PTPRD: variants seen among roughly 807,000 people sequenced by gnomAD.
PTPRD encodes receptor-type tyrosine-protein phosphatase delta.
Under a neutral mutation model 214.5 loss-of-function variants are expected in PTPRD, and 34 were observed. The observed-to-expected ratio is 0.16, with a 90% CI of 0.12 to 0.21. The LOEUF is 0.21. Ranked by LOEUF, PTPRD falls within the 10% of genes least tolerant of loss-of-function variation. PTPRD has a pLI of 1.00. For missense variants in PTPRD, 2,545 were observed against 2,398.7 expected, an observed-to-expected ratio of 1.06 and a Z score of -1.27; for synonymous variants, 1,128 against 845.7, an observed-to-expected ratio of 1.33 and a Z score of -5.79.
intron 8 of PTPRD, among the ~76,000 whole-genome samples, chr9:9,467,610 A>AAAAAAAAAAAAAAAT (rs71319223): frequency 6.9e-6 from 1 of 145,370 alleles, no homozygotes; most frequent in African/African-American, 2.5e-5. Context: ...AAAAAAAAAA[A>AAAAAAAAAAAAAAAT]GTTGAGCAGA....
chr9:9,306,514 A>C (rs948368371), intron 9 of PTPRD, among the ~76,000 whole-genome samples: 6 of 142,424 alleles, frequency 4.2e-5, no homozygotes, highest in Non-Finnish European at 9.0e-5. Flanking sequence ...CAGTGAACCG[A>C]GATCACACCA....
At chr9:9,503,315 G>A (rs1259576381) in intron 8 of PTPRD, among the ~76,000 whole-genome samples, 3 of 150,674 alleles carry the variant, frequency 2.0e-5, no homozygotes, top group Non-Finnish European at 4.4e-5. Context: ...CTTGTTATAG[G>A]TCTTGAATCA....
intron 5 of PTPRD, among the ~76,000 whole-genome samples, chr9:9,821,853 G>A (rs2050849867): frequency 6.6e-6 from 1 of 151,012 alleles, no homozygotes; most frequent in African/African-American, 2.4e-5. Context: ...AAAAATAAAG[G>A]ACATGCATGT....
intron 5 of PTPRD, among the ~76,000 whole-genome samples, chr9:9,838,232 T>A (rs926175665): frequency 1.3e-5 from 2 of 152,166 alleles, no homozygotes; most frequent in Non-Finnish European, 2.9e-5. Context: ...TAAACATAGG[T>A]GTGCATGTGT....
chr9:9,840,029 TTTATTA>T (rs1211328770), intron 5 of PTPRD, among the ~76,000 whole-genome samples: 2 of 151,926 alleles, frequency 1.3e-5, no homozygotes, highest in Non-Finnish European at 2.9e-5. Flanking sequence ...ATGGTTGGTT[TTTATTA>T]TTATTATTTA....
intron 35 of PTPRD, among the ~76,000 whole-genome samples, chr9:8,430,273 T>C (rs559010141): frequency 4.4e-4 from 67 of 152,042 alleles, no homozygotes; most frequent in Admixed American, 2.4e-3. Context: ...TTTTTATTTT[T>C]TTTTTACTTT....
At chr9:9,600,029 A>G (rs1592657904) in intron 7 of PTPRD, among the ~76,000 whole-genome samples, 1 of 152,152 alleles carries the variant, frequency 6.6e-6, no homozygotes, top group East Asian at 1.9e-4. Context: ...AATGCATTCT[A>G]AATCCAAGCA....
chr9:9,131,686 C>T (rs761349085), intron 10 of PTPRD, among the ~76,000 whole-genome samples: 1 of 151,844 alleles, frequency 6.6e-6, no homozygotes, highest in Non-Finnish European at 1.5e-5. Flanking sequence ...CAGTATATGC[C>T]CAAAGAGTTT....
intron 12 of PTPRD, among the ~76,000 whole-genome samples, chr9:8,679,382 A>G (rs991102911): frequency 6.6e-6 from 1 of 152,224 alleles, no homozygotes; most frequent in African/African-American, 2.4e-5. Flanking sequence ...AGTTATGAGA[A>G]AAATGTGTGA....
intron 13 of PTPRD, 34 bp downstream of exon 13, chr9:8,636,665 T>C (rs2154327720): frequency 6.2e-7 from 1 of 1,609,102 alleles, no homozygotes; most frequent in African/African-American, 1.3e-5. Context: ...AGATACATTC[T>C]TCCCCCAGAG....
intron 8 of PTPRD, among the ~76,000 whole-genome samples, chr9:9,411,431 T>G (rs1319933902): frequency 6.6e-6 from 1 of 152,162 alleles, no homozygotes; most frequent in East Asian, 1.9e-4. Context: ...GTGGAAATAG[T>G]GCCTATGAAG....
chr9:10,278,234 A>T (rs551560649), intron 3 of PTPRD, among the ~76,000 whole-genome samples: 21 of 152,364 alleles, frequency 1.4e-4, no homozygotes, highest in Non-Finnish European at 2.9e-4. Context: ...TTATTAAAAA[A>T]TAATGTTTGA....
intron 8 of PTPRD, among the ~76,000 whole-genome samples, chr9:9,503,055 T>C (rs557000306): frequency 2.0e-5 from 3 of 151,956 alleles, no homozygotes; most frequent in East Asian, 3.9e-4. Flanking sequence ...GGTCTGTGTA[T>C]TTCACTGAAA....
intron 20 of PTPRD, among the ~76,000 whole-genome samples, 161 bp from the exon 21 acceptor site, chr9:8,518,590 C>T (rs1273251083): frequency 2.0e-5 from 3 of 152,120 alleles, no homozygotes; most frequent in African/African-American, 7.2e-5. Context: ...CCAAGAAGGA[C>T]AGGAAAACAT....
intron 3 of PTPRD, among the ~76,000 whole-genome samples, chr9:10,207,536 T>A (rs764751248): frequency 5.3e-5 from 8 of 152,030 alleles, no homozygotes; most frequent in Non-Finnish European, 1.2e-4. Flanking sequence ...TATAATGCAC[T>A]AATAAAAATA....
intron 4 of PTPRD, among the ~76,000 whole-genome samples, chr9:9,950,752 AAAAAAAAAG>A (rs2093375273): frequency 3.0e-5 from 1 of 33,550 alleles, no homozygotes; most frequent in Non-Finnish European, 4.1e-5. Context: ...AAAAAAAAAA[AAAAAAAAAG>A]AAGAAAGTGG....
At chr9:8,520,376 T>C (rs956619201) in intron 20 of PTPRD, among the ~76,000 whole-genome samples, 2 of 152,134 alleles carry the variant, frequency 1.3e-5, no homozygotes, top group Non-Finnish European at 2.9e-5. Context: ...GCGATACCAA[T>C]TATAACGTGT....
chr9:9,473,632 A>C (rs1417439536), intron 8 of PTPRD, among the ~76,000 whole-genome samples: 2 of 152,112 alleles, frequency 1.3e-5, no homozygotes, highest in Non-Finnish European at 2.9e-5. Context: ...CAACTTTGTC[A>C]GCATTTGTTA....
chr9:9,215,615 C>T lies in PTPRD; in HGVS notation c.-202-32252G>A, dbSNP rs186049113. Among the ~76,000 whole-genome samples, 1,106 of 152,196 alleles carry T rather than the reference C, an allele frequency of 7.3e-3. 8 individuals carry two copies. Among genetic ancestry groups the T allele is most frequent in the Middle Eastern group, 0.02 (6 of 294 alleles). On this transcript the variant is annotated intron_variant, in intron 9 of 45. Coordinates refer to ENST00000381196, the MANE Select transcript of PTPRD (RefSeq NM_002839.4). ...TGGGCACCAGATTGTGGAGCTGAGG[C>T]ACAGTGAGGTGGAGTTGGGACGAAG...
Sources: allele counts gnomAD v4.1 joint callset (sites outside exome capture counted in the v4.1 genomes callset), GRCh38; gene constraint gnomAD v4.1.1; transcripts MANE v1.5; gene names NCBI Gene and HGNC (gene_info 2026-07-23, HGNC 2026-07-21).